The following UNC13C variants were observed in gnomAD, a reference collection of about 807,000 sequenced individuals.
The protein encoded by UNC13C is protein unc-13 homolog C.
In UNC13C, 174 loss-of-function variants were observed where a neutral mutation model predicts 245.4. That is an observed-to-expected ratio of 0.71 (90% CI 0.63 to 0.80). UNC13C has a LOEUF of 0.80. Among genes scored for constraint, UNC13C ranks in the 30% least tolerant of loss-of-function variants. The pLI is 0.00. For synonymous variants in UNC13C, 992 were observed against 895.1 expected (o/e 1.11, Z -1.93); for missense variants, 2,829 against 2,602.9 (o/e 1.09, Z -1.89).
chr15:54,317,698 G>A (rs556180060), intron 13 of UNC13C, among the ~76,000 whole-genome samples: 53 of 152,008 alleles, frequency 3.5e-4, no homozygotes, highest in African/African-American at 1.2e-3. Context: ...AAATCTAGCT[G>A]ATTAACGTAT....
In UNC13C at chr15:54,206,826, C is replaced by A. The variant is rs139554455; in HGVS notation, c.3072-28204C>A. On this transcript the variant is annotated intron_variant, in intron 4 of 32. Coordinates refer to ENST00000260323, the MANE Select transcript of UNC13C (RefSeq NM_001080534.3). ...TCTAGAAAATTATAGCGAAGTGAAA[C>A]TGTACGTCAACAGCTCTTGGCTTAT... 5.9e-5 allele frequency among the ~76,000 whole-genome samples: 9 copies of A among 152,158 alleles called. No homozygotes were observed. In the East Asian group the frequency reaches 9.7e-4, roughly 16 times the overall value.
chr15:54,183,117 T>G (rs1184120561), intron 4 of UNC13C, among the ~76,000 whole-genome samples: 1 of 151,608 alleles, frequency 6.6e-6, no homozygotes, highest in Non-Finnish European at 1.5e-5. Context: ...CGAAAGAAGT[T>G]AAAAAAGGTG....
chr15:54,307,702 A>G lies in UNC13C; in HGVS notation c.4268+7329A>G, dbSNP rs2037762749. ...GGGCCCCACCCTTACTTGTCCTTCA[A>G]CTTCTGTCTTCCTCTAAAATCTGTG... On this transcript the variant is annotated intron_variant, in intron 13 of 32. Coordinates refer to ENST00000260323, the MANE Select transcript of UNC13C (RefSeq NM_001080534.3). Among the ~76,000 whole-genome samples the G allele has an allele frequency of 4.6e-5, 7 of 151,910 alleles. No individual in the cohort carries two copies. In the South Asian group the frequency reaches 1.5e-3, roughly 31 times the overall value.
At chr15:54,600,642 G>C (rs953495628) in intron 30 of UNC13C, among the ~76,000 whole-genome samples, 1 of 151,946 alleles carries the variant, frequency 6.6e-6, no homozygotes, top group Non-Finnish European at 1.5e-5. Flanking sequence ...GATCAATAAC[G>C]TGTCTGAATT....
intron 30 of UNC13C, among the ~76,000 whole-genome samples, chr15:54,615,141 T>A (rs1409452264): frequency 1.3e-5 from 2 of 152,024 alleles, no homozygotes; most frequent in Non-Finnish European, 2.9e-5. Flanking sequence ...GATACAGGCA[T>A]GCAATGTGAA....
At chr15:54,549,713 C>T in intron 28 of UNC13C, 22 bp downstream of exon 28, 1 of 1,526,612 alleles carries the variant, frequency 6.6e-7, no homozygotes, top group Non-Finnish European at 9.0e-7. Flanking sequence ...AAGGAAATTA[C>T]TTATTCATGG....
At position 54,415,387 on chromosome 15, in the gene UNC13C, G is replaced by A. The variant is rs138621174; in HGVS notation, c.4933+320G>A. Among the ~76,000 whole-genome samples the A allele has an allele frequency of 3.1e-3, 469 of 152,242 alleles. 1 individual carries two copies. Among genetic ancestry groups the A allele is most frequent in the Non-Finnish European group, 4.9e-3 (335 of 68,026 alleles). On this transcript the variant is annotated intron_variant, in intron 19 of 32. Coordinates refer to ENST00000260323, the MANE Select transcript of UNC13C (RefSeq NM_001080534.3). Reference sequence around the variant, plus strand: ...CAGGCCATATTGAGGGGGTGGATGAGTTGTTTAGTCCAGATATTTGTCTAC... The same window carrying A: ...CAGGCCATATTGAGGGGGTGGATGAATTGTTTAGTCCAGATATTTGTCTAC...
At chr15:54,493,955 G>T (rs1028475123) in intron 19 of UNC13C, among the ~76,000 whole-genome samples, 6 of 152,064 alleles carry the variant, frequency 3.9e-5, no homozygotes, top group Admixed American at 1.3e-4. Flanking sequence ...AAGCCAAGGG[G>T]TGCAAGATAA....
intron 22 of UNC13C, among the ~76,000 whole-genome samples, chr15:54,503,909 T>A (rs1426216472): frequency 3.3e-5 from 5 of 152,108 alleles, no homozygotes; most frequent in Admixed American, 2.6e-4. Context: ...CTCCTGGAGA[T>A]CAGACACATT....
At chr15:53,981,952 A>T (rs1321620405) in intron 1 of UNC13C, among the ~76,000 whole-genome samples, 2 of 152,196 alleles carry the variant, frequency 1.3e-5, no homozygotes, top group Admixed American at 1.3e-4. Context: ...ACAGAAATTA[A>T]TTATAATCTT....
the UNC13C span, among the ~76,000 whole-genome samples, chr15:53,894,409 C>A: frequency 6.6e-6 from 1 of 152,240 alleles, no homozygotes; most frequent in African/African-American, 2.4e-5. Context: ...GTTGGCTCAA[C>A]AAACCCAACC....
At chr15:54,340,355 T>A (rs916525840) in intron 17 of UNC13C, among the ~76,000 whole-genome samples, 2 of 152,230 alleles carry the variant, frequency 1.3e-5, no homozygotes, top group Non-Finnish European at 2.9e-5. Flanking sequence ...ATGAAGACTT[T>A]GGCTAAGCCA....
intron 2 of UNC13C, among the ~76,000 whole-genome samples, chr15:54,081,808 G>A (rs1898957385): frequency 1.3e-5 from 2 of 152,086 alleles, no homozygotes; most frequent in Admixed American, 1.3e-4. Context: ...ATATTGATAT[G>A]TGAGGTTTTG....
intron 4 of UNC13C, among the ~76,000 whole-genome samples, chr15:54,226,245 A>G (rs1311607474): frequency 6.6e-6 from 1 of 152,164 alleles, no homozygotes; most frequent in Middle Eastern, 3.2e-3. Flanking sequence ...CTCATCAGAG[A>G]TATTGACCTG....
chr15:54,618,419 C>G (rs916603865), intron 30 of UNC13C, among the ~76,000 whole-genome samples: 1 of 152,114 alleles, frequency 6.6e-6, no homozygotes, highest in Non-Finnish European at 1.5e-5. Flanking sequence ...ATATAACAGG[C>G]AAAGCCTCTC....
intron 4 of UNC13C, among the ~76,000 whole-genome samples, chr15:54,163,148 G>C (rs1353681600): frequency 6.6e-6 from 1 of 152,146 alleles, no homozygotes; most frequent in Non-Finnish European, 1.5e-5. Flanking sequence ...GATTACCCTG[G>C]ATTATCTGAG....
At chr15:54,249,760 G>A (rs1018340180) in intron 7 of UNC13C, among the ~76,000 whole-genome samples, 6 of 152,140 alleles carry the variant, frequency 3.9e-5, no homozygotes, top group East Asian at 3.8e-4. Flanking sequence ...ATCCTTCCCC[G>A]GTGATAGGTA....
intron 4 of UNC13C, among the ~76,000 whole-genome samples, chr15:54,166,316 G>A (rs1422133885): frequency 6.6e-6 from 1 of 151,786 alleles, no homozygotes; most frequent in African/African-American, 2.4e-5. Context: ...TGTATGATAG[G>A]AGACATGAAA....
the UNC13C span, among the ~76,000 whole-genome samples, chr15:53,848,198 C>G: frequency 1.3e-5 from 2 of 151,960 alleles, no homozygotes; most frequent in Non-Finnish European, 2.9e-5. Flanking sequence ...TTTTGTTTCA[C>G]TGGTTTCTGC....
Sources: allele counts gnomAD v4.1 joint callset (sites outside exome capture counted in the v4.1 genomes callset), GRCh38; gene constraint gnomAD v4.1.1; transcripts MANE v1.5; gene names NCBI Gene and HGNC (gene_info 2026-07-23, HGNC 2026-07-21).